Variants in WIPF1 observed in about 807,000 individuals in gnomAD.
The protein encoded by WIPF1 is WAS/WASL interacting protein family member 1.
Under a neutral mutation model 35.4 loss-of-function variants are expected in WIPF1, and 13 were observed. The observed-to-expected ratio is 0.37, with a 90% CI of 0.24 to 0.58. The LOEUF is 0.58. Ranked by LOEUF, WIPF1 falls within the 20% of genes least tolerant of loss-of-function variation. The pLI, the probability that WIPF1 is intolerant of heterozygous loss-of-function variation, is 0.74. For missense variants in WIPF1, 591 were observed against 667.0 expected, an observed-to-expected ratio of 0.89 and a Z score of 1.25; for synonymous variants, 267 against 266.3, an observed-to-expected ratio of 1.00 and a Z score of -0.02.
In WIPF1 at chr2:174,560,794, C is replaced by T. The variant is rs1458282533; in HGVS notation, c.*1753G>A. The T allele has an allele frequency of 4.6e-5, 7 of 152,446 alleles. No individual in the cohort carries two copies. The highest frequency in any genetic ancestry group is 2.1e-4 in the South Asian group (1 of 4,812). 9.4% of individuals were successfully genotyped at this position (152,446 alleles called of 1,614,324 possible). A position where few individuals can be genotyped will look rare whatever the true frequency, so the allele number is the denominator to read the frequency against. On this transcript the variant is annotated 3_prime_UTR_variant, in exon 8 of 8. Coordinates refer to ENST00000679041, the MANE Select transcript of WIPF1 (RefSeq NM_001375834.1). ...AGTAACTTCATAATTTATTAGACAT[C>T]CCATTTATTAGAACTCTAAGTTCTT...
chr2:174,585,181 A>T (rs990075029), intron 2 of WIPF1, among the ~76,000 whole-genome samples: 1 of 152,208 alleles, frequency 6.6e-6, no homozygotes, highest in Admixed American at 6.5e-5. Context: ...CCAGACATTG[A>T]GTTCATCTGA....
At chr2:174,589,690 T>C (rs756038376) in intron 1 of WIPF1, among the ~76,000 whole-genome samples, 1 of 152,260 alleles carries the variant, frequency 6.6e-6, no homozygotes, top group African/African-American at 2.4e-5. Context: ...TTTCCTTTGA[T>C]TATGAATGCA....
intron 1 of WIPF1, among the ~76,000 whole-genome samples, chr2:174,607,253 A>G (rs1234255605): frequency 6.6e-6 from 1 of 151,940 alleles, no homozygotes; most frequent in African/African-American, 2.4e-5. Flanking sequence ...AATACAAAAA[A>G]TTAGCTGGGC....
chr2:174,571,716 C>T lies in WIPF1; in HGVS notation c.1089G>A (p.Glu363=), dbSNP rs1446523628. 1 of 1,614,118 alleles carries T rather than the reference C, an allele frequency of 6.2e-7. No homozygotes were observed. Among genetic ancestry groups the T allele is most frequent in the Non-Finnish European group, 8.5e-7 (1 of 1,180,030 alleles). ...RSGPLPPPPS[E]RPPPPVRDPP... The stretch of plus-strand genomic sequence containing the variant: ...GGTCCCTCACTGGAGGTGGGGGTCT[C>T]TCACTGGGCGGGGGAGGAAGAGGAC... Residue 363 remains glutamate (E), a synonymous_variant, in exon 5 of 8, where the codon GAG becomes GAA. Coordinates refer to ENST00000679041, the MANE Select transcript of WIPF1 (RefSeq NM_001375834.1). The surrounding 1 kb of genome is among the most constrained non-coding windows in gnomAD (Gnocchi z 4.6).
intron 7 of WIPF1, among the ~76,000 whole-genome samples, chr2:174,565,521 C>G (rs1200793872): frequency 6.6e-6 from 1 of 152,214 alleles, no homozygotes. Flanking sequence ...CAGCCATGTT[C>G]CTGTCTCCTC....
At position 174,586,427 on chromosome 2, in the gene WIPF1, G is replaced by A. The variant is rs371660904; in HGVS notation, c.-38-816C>T. ...TAAAATAAAAAAGAAGAGCCTTTCT[G>A]CAGAGTGTGCTTGCTCTGAAAACAA... On this transcript the variant is annotated intron_variant, in intron 1 of 7. Coordinates refer to ENST00000679041, the MANE Select transcript of WIPF1 (RefSeq NM_001375834.1). Among the ~76,000 whole-genome samples, 168 of 152,284 alleles carry A rather than the reference G, an allele frequency of 1.1e-3. 1 individual carries two copies. Among genetic ancestry groups the A allele is most frequent in the African/African-American group, 3.7e-3 (152 of 41,560 alleles).
At chr2:174,587,111 A>G (rs1022477428) in intron 1 of WIPF1, among the ~76,000 whole-genome samples, 3 of 152,116 alleles carry the variant, frequency 2.0e-5, no homozygotes, top group African/African-American at 7.2e-5. Flanking sequence ...GGCCTAAGCA[A>G]TCCTCCTGCC....
rs569063075 is a variant in WIPF1, at chr2:174,621,596, A to C, written c.-38-35985T>G. 3.3e-5 allele frequency among the ~76,000 whole-genome samples: 5 copies of C among 152,240 alleles called. No homozygotes were observed. In the South Asian group the frequency reaches 1.0e-3, roughly 32 times the overall value. On this transcript the variant is annotated intron_variant, in intron 1 of 8. Transcript: ENST00000272746. ...TAAAAATACAATGCAAGCCCCATGC[A>C]TATTTTGCAATTTTCTAATAGCCAC...
chr2:174,610,995 T>C (rs1345793917), intron 1 of WIPF1, among the ~76,000 whole-genome samples: 1 of 152,230 alleles, frequency 6.6e-6, no homozygotes, highest in South Asian at 2.1e-4. Context: ...TCTTTGTGTG[T>C]CTCTAATGCC....
chr2:174,577,530 A>G (rs1215402348), intron 3 of WIPF1, among the ~76,000 whole-genome samples: 2 of 152,182 alleles, frequency 1.3e-5, no homozygotes, highest in African/African-American at 4.8e-5. Context: ...GGTTTACAAG[A>G]ATTTATTATA....
chr2:174,576,882 T>C (rs1436114166), intron 3 of WIPF1, among the ~76,000 whole-genome samples: 3 of 152,228 alleles, frequency 2.0e-5, no homozygotes, highest in African/African-American at 7.2e-5. Flanking sequence ...TTAAACATTA[T>C]TTAAAGTCCT....
At chr2:174,578,321 T>G (rs1574800184) in intron 3 of WIPF1, among the ~76,000 whole-genome samples, 1 of 152,242 alleles carries the variant, frequency 6.6e-6, no homozygotes, top group Non-Finnish European at 1.5e-5. Flanking sequence ...TCATGCCAAT[T>G]TCATTACAAT....
chr2:174,619,660 G>A (rs573647381), intron 1 of WIPF1, among the ~76,000 whole-genome samples: 1 of 151,864 alleles, frequency 6.6e-6, no homozygotes, highest in Non-Finnish European at 1.5e-5. Context: ...AAAGCTCCAG[G>A]GTCTGGGCAT....
intron 1 of WIPF1, among the ~76,000 whole-genome samples, chr2:174,657,684 G>A (rs1472627548): frequency 2.0e-5 from 3 of 152,060 alleles, no homozygotes; most frequent in African/African-American, 7.2e-5. Context: ...CCTGAGGTCA[G>A]GAGTTTGAGA....
At chr2:174,640,844 A>G (rs1687281870) in intron 1 of WIPF1, among the ~76,000 whole-genome samples, 1 of 152,182 alleles carries the variant, frequency 6.6e-6, no homozygotes, top group Non-Finnish European at 1.5e-5. Flanking sequence ...AAAGCAATCT[A>G]CAGATTTAAT....
At position 174,560,334 on chromosome 2, in the gene WIPF1, G is replaced by A. The variant is rs1460617077; in HGVS notation, c.*2213C>T. 5 of 152,520 alleles carry A rather than the reference G, an allele frequency of 3.3e-5. No individual in the cohort carries two copies. The highest frequency in any genetic ancestry group is 7.4e-5 in the Non-Finnish European group (5 of 67,992). 9.4% of individuals were successfully genotyped at this position (152,520 alleles called of 1,614,324 possible). ...TATCACCCTGTTTCAGATTTAGAAC[G>A]GTACCTGCCAAGTTCAGATATGCAA... On this transcript the variant is annotated 3_prime_UTR_variant, in exon 8 of 8. Coordinates refer to ENST00000679041, the MANE Select transcript of WIPF1 (RefSeq NM_001375834.1).
At chr2:174,627,912 T>C (rs1293891107) in intron 1 of WIPF1, among the ~76,000 whole-genome samples, 1 of 152,142 alleles carries the variant, frequency 6.6e-6, no homozygotes, top group Non-Finnish European at 1.5e-5. Context: ...TTTAATAATG[T>C]TTGTGGCATT....
intron 1 of WIPF1, among the ~76,000 whole-genome samples, chr2:174,641,360 G>A (rs867020105): frequency 1.3e-5 from 2 of 152,140 alleles, no homozygotes; most frequent in South Asian, 4.1e-4. Flanking sequence ...GGCTGATGAG[G>A]AGCAAATGTG....
At chr2:174,607,476 G>T (rs1686207106) in intron 1 of WIPF1, among the ~76,000 whole-genome samples, 1 of 152,130 alleles carries the variant, frequency 6.6e-6, no homozygotes, top group Non-Finnish European at 1.5e-5. Flanking sequence ...TCTGACAAAT[G>T]AACTTCAAGG....
Sources: gnomAD v4.1 joint callset for allele counts (sites outside exome capture counted in the v4.1 genomes callset) on GRCh38, gnomAD v4.1.1 for gene constraint, Gnocchi (gnomAD v3.1) non-coding constraint, MANE v1.5 for transcripts, NCBI Gene and HGNC (gene_info 2026-07-23, HGNC 2026-07-21) for gene names.